Variants in POU2AF2 observed in about 807,000 individuals in gnomAD.
POU2AF2 encodes POU class 2 homeobox associating factor 2.
chr11:111,276,453 A>AAAAATATAGATATATAT, the POU2AF2 span, among the ~76,000 whole-genome samples: 2 of 37,692 alleles, frequency 5.3e-5, no homozygotes. Flanking sequence ...AAAAAAAAAA[A>AAAAATATAGATATATAT]ATATATATAT....
At chr11:111,285,477 A>T in the POU2AF2 span, among the ~76,000 whole-genome samples, 1 of 152,214 alleles carries the variant, frequency 6.6e-6, no homozygotes, top group African/African-American at 2.4e-5. Context: ...GTAGGAAGGG[A>T]GGAAAACTTT....
the POU2AF2 span, among the ~76,000 whole-genome samples, chr11:111,255,670 A>T: frequency 6.6e-6 from 1 of 152,230 alleles, no homozygotes. Flanking sequence ...TGGACTTGTG[A>T]TTAAAGCATA....
At chr11:111,270,124 T>G in the POU2AF2 span, among the ~76,000 whole-genome samples, 1 of 152,224 alleles carries the variant, frequency 6.6e-6, no homozygotes, top group South Asian at 2.1e-4. Flanking sequence ...CCAGTTCTCT[T>G]GTCCTACATC....
At chr11:111,282,594 C>T in the POU2AF2 span, among the ~76,000 whole-genome samples, 1 of 152,208 alleles carries the variant, frequency 6.6e-6, no homozygotes, top group Non-Finnish European at 1.5e-5. Flanking sequence ...CCCCCTTGGG[C>T]TCGCAGGTTG....
the POU2AF2 span, among the ~76,000 whole-genome samples, chr11:111,271,596 T>G: frequency 3.3e-5 from 5 of 152,054 alleles, no homozygotes; most frequent in Non-Finnish European, 5.9e-5. Flanking sequence ...TAATTTATTT[T>G]ATTTTTTGTG....
chr11:111,251,993 G>C, the POU2AF2 span, among the ~76,000 whole-genome samples: 1 of 152,172 alleles, frequency 6.6e-6, no homozygotes, highest in African/African-American at 2.4e-5. Flanking sequence ...TTTAGAATAG[G>C]TGTATTTCCC....
At chr11:111,272,677 A>G in the POU2AF2 span, among the ~76,000 whole-genome samples, 1 of 152,178 alleles carries the variant, frequency 6.6e-6, no homozygotes, top group Non-Finnish European at 1.5e-5. Context: ...TGTTTTTGCG[A>G]TGAAACTGTG....
chr11:111,274,750 C>T, the POU2AF2 span, among the ~76,000 whole-genome samples: 2 of 151,716 alleles, frequency 1.3e-5, no homozygotes, highest in Admixed American at 6.6e-5. Context: ...TTTTTTCAAA[C>T]TAGGATGCTT....
At chr11:111,261,568 A>T in the POU2AF2 span, among the ~76,000 whole-genome samples, 1 of 151,980 alleles carries the variant, frequency 6.6e-6, no homozygotes, top group African/African-American at 2.4e-5. Flanking sequence ...AGCTGACATG[A>T]GGGGGGAAAA....
At chr11:111,278,348 CT>C in the POU2AF2 span, among the ~76,000 whole-genome samples, 11 of 152,166 alleles carry the variant, frequency 7.2e-5, no homozygotes, top group Admixed American at 7.2e-4. Flanking sequence ...GATATTTTGC[CT>C]GGAGAAGTTC....
At chr11:111,274,475 T>C in the POU2AF2 span, among the ~76,000 whole-genome samples, 1 of 152,044 alleles carries the variant, frequency 6.6e-6, no homozygotes, top group Non-Finnish European at 1.5e-5. Context: ...AATTTTATTA[T>C]ATGTAAATTA....
the POU2AF2 span, among the ~76,000 whole-genome samples, chr11:111,281,991 A>C: frequency 4.6e-5 from 7 of 152,344 alleles, no homozygotes; most frequent in Admixed American, 3.9e-4. Context: ...TCAGAGCTGG[A>C]TAAGGGAAAG....
chr11:111,255,905 A>G, the POU2AF2 span: 130 of 398,438 alleles, frequency 3.3e-4, no homozygotes, highest in African/African-American at 2.3e-3. Context: ...CACAATGATC[A>G]GCCCCCTAAA....
chr11:111,252,620 G>C, the POU2AF2 span, among the ~76,000 whole-genome samples: 1 of 151,764 alleles, frequency 6.6e-6, no homozygotes, highest in African/African-American at 2.4e-5. Context: ...TTCAGTCTCA[G>C]AAGTTGAGGG....
chr11:111,275,599 G>T, the POU2AF2 span, among the ~76,000 whole-genome samples: 1 of 152,312 alleles, frequency 6.6e-6, no homozygotes. Flanking sequence ...GATCTTCACA[G>T]ATTAGGCCAA....
the POU2AF2 span, among the ~76,000 whole-genome samples, chr11:111,268,484 TTTATTTTATTTTATTTTATTTTATTTTA>T: frequency 4.5e-5 from 2 of 44,730 alleles, no homozygotes; most frequent in African/African-American, 6.8e-5. Flanking sequence ...CTTTTTTTAT[TTTATTTTATTTTATTTTATTTTATTTTA>T]TTTTATTTTA....
the POU2AF2 span, among the ~76,000 whole-genome samples, chr11:111,261,821 C>T: frequency 1.3e-3 from 191 of 152,290 alleles, no homozygotes; most frequent in African/African-American, 4.3e-3. Context: ...TAATATCCTA[C>T]ATAAACCTAA....
the POU2AF2 span, among the ~76,000 whole-genome samples, chr11:111,258,307 T>G: frequency 6.6e-6 from 1 of 152,134 alleles, no homozygotes. Flanking sequence ...GATGAAAGTT[T>G]CAGGCAAACT....
the POU2AF2 span, among the ~76,000 whole-genome samples, chr11:111,281,763 G>C: frequency 6.6e-6 from 1 of 152,182 alleles, no homozygotes; most frequent in Non-Finnish European, 1.5e-5. Flanking sequence ...AAACAGAAAG[G>C]GGAAAGCCGT....
Sources: gnomAD v4.1 joint callset for allele counts (sites outside exome capture counted in the v4.1 genomes callset) on GRCh38, gnomAD v4.1.1 for gene constraint, MANE v1.5 for transcripts, NCBI Gene and HGNC (gene_info 2026-07-23, HGNC 2026-07-21) for gene names.